Variants in MAGI1 observed in about 807,000 individuals in gnomAD.
MAGI1 encodes membrane-associated guanylate kinase, WW and PDZ domain-containing protein 1.
In MAGI1, 58 loss-of-function variants were observed where a neutral mutation model predicts 139.9. The ratio of observed to expected loss-of-function variants is 0.41; its 90% CI spans 0.34 to 0.52. The LOEUF (loss-of-function observed/expected upper bound fraction) is 0.52, where lower values mean the gene tolerates loss of function less well. MAGI1 is among the 20% of genes least tolerant of loss of function. The pLI, the probability that MAGI1 is intolerant of heterozygous loss-of-function variation, is 0.12. For missense variants in MAGI1, 1,874 were observed against 1,901.6 expected, an observed-to-expected ratio of 0.99 and a Z score of 0.27; for synonymous variants, 812 against 737.9, an observed-to-expected ratio of 1.10 and a Z score of -1.63.
rs541197600 is a variant in MAGI1, at chr3:65,867,841, A to G, written c.313+170155T>C. Among the ~76,000 whole-genome samples the G allele has an allele frequency of 1.3e-4, 20 of 152,236 alleles. No individual in the cohort carries two copies. The South Asian group carries it at 4.2e-3, about 32-fold the overall frequency. ...ACCCTAGCCCCCAAGAAGCCCTGCC[A>G]TTTACTGTGCTTTCTGAATTCCACT... On this transcript the variant is annotated intron_variant, in intron 1 of 22. Transcript: ENST00000402939.
intron 2 of MAGI1, among the ~76,000 whole-genome samples, chr3:65,595,853 C>A (rs1335995652): frequency 6.6e-6 from 1 of 151,876 alleles, no homozygotes; most frequent in African/African-American, 2.4e-5. Flanking sequence ...TTAGGAGTAT[C>A]CTCATCAAGA....
intron 1 of MAGI1, among the ~76,000 whole-genome samples, chr3:65,716,501 A>G (rs2032268594): frequency 2.0e-5 from 3 of 152,242 alleles, no homozygotes; most frequent in Non-Finnish European, 4.4e-5. Flanking sequence ...AAGGCAGACT[A>G]TCTTATTTCA....
In MAGI1 at chr3:65,695,638, T is replaced by C. The variant is rs183905356; in HGVS notation, c.314-73550A>G. 2.0e-5 allele frequency among the ~76,000 whole-genome samples: 3 copies of C among 152,318 alleles called. No homozygotes were observed. The East Asian group carries it at 5.8e-4, about 29-fold the overall frequency. On this transcript the variant is annotated intron_variant, in intron 1 of 22. Transcript: ENST00000402939. ...ATGCTCAGTAGGTATTGCTGGGGGA[T>C]GAATGAATCTACAGTAGACGCCTAG...
intron 1 of MAGI1, among the ~76,000 whole-genome samples, chr3:65,626,189 C>T (rs181057973): frequency 6.6e-6 from 1 of 152,152 alleles, no homozygotes; most frequent in Admixed American, 6.5e-5. Flanking sequence ...ATGCTTAAAT[C>T]AAAAGCAACA....
At chr3:65,408,515 A>G (rs1332061968) in intron 12 of MAGI1, among the ~76,000 whole-genome samples, 1 of 152,158 alleles carries the variant, frequency 6.6e-6, no homozygotes, top group Admixed American at 6.5e-5. Context: ...TGCAGGAAAG[A>G]CAAATTGAGA....
At chr3:65,844,031 C>G in intron 1 of MAGI1, 1 of 377,952 alleles carries the variant, frequency 2.6e-6, no homozygotes, top group East Asian at 7.4e-5. Flanking sequence ...CACCAAGTAT[C>G]TAAAAGATGT....
At position 65,439,859 on chromosome 3, in the gene MAGI1, C is replaced by T; in HGVS notation, c.1270+20G>A. ...CCATGCTCCCCTGATCAAGAAAAAG[C>T]CTAGAGGAAAGAGGCCAACCTTCTG... On this transcript the variant is annotated intron_variant, in intron 9 of 22. Transcript: ENST00000402939. 1.2e-6 allele frequency: 2 copies of T among 1,609,132 alleles called. No individual in the cohort carries two copies. The highest frequency in any genetic ancestry group is 3.3e-5 in the Admixed American group (2 of 59,966).
intron 14 of MAGI1, 88 bp downstream of exon 14, chr3:65,391,054 G>A (rs1028693937): frequency 1.7e-6 from 2 of 1,150,076 alleles, no homozygotes; most frequent in Non-Finnish European, 2.5e-6. Flanking sequence ...TTTACACACT[G>A]CAACTCATCT....
intron 1 of MAGI1, among the ~76,000 whole-genome samples, chr3:65,768,732 G>C (rs1034134718): frequency 2.0e-5 from 3 of 152,262 alleles, no homozygotes; most frequent in African/African-American, 2.4e-5. Flanking sequence ...GAACACACAG[G>C]AGTCCCAGTT....
chr3:65,537,684 C>A (rs1424423596), intron 2 of MAGI1, among the ~76,000 whole-genome samples: 1 of 152,046 alleles, frequency 6.6e-6, no homozygotes, highest in Admixed American at 6.5e-5. Context: ...AACTTTTCGC[C>A]TTCCACTGAA....
intron 1 of MAGI1, among the ~76,000 whole-genome samples, chr3:65,947,860 T>G (rs2063609976): frequency 6.6e-6 from 1 of 151,830 alleles, no homozygotes; most frequent in Non-Finnish European, 1.5e-5. Context: ...CAAGCAATCT[T>G]CCTGCCTCAG....
chr3:65,782,613 C>CAAAAAAAAAAAAAAAAAAAAA (rs56367932), intron 1 of MAGI1, among the ~76,000 whole-genome samples: 1 of 60,544 alleles, frequency 1.7e-5, no homozygotes, highest in Non-Finnish European at 3.0e-5. Flanking sequence ...ATTTCTTAAG[C>CAAAAAAAAAAAAAAAAAAAAA]AAAAAAAAAA....
intron 2 of MAGI1, among the ~76,000 whole-genome samples, chr3:65,598,375 G>C (rs2082328562): frequency 6.6e-6 from 1 of 152,162 alleles, no homozygotes; most frequent in Admixed American, 6.5e-5. Context: ...ATGAGTGGGT[G>C]GGTGAGGGCG....
At chr3:65,806,150 G>A (rs1027372407) in intron 1 of MAGI1, among the ~76,000 whole-genome samples, 1 of 151,858 alleles carries the variant, frequency 6.6e-6, no homozygotes, top group Non-Finnish European at 1.5e-5. Flanking sequence ...AATATAGCTG[G>A]CCAGGCACGG....
intron 2 of MAGI1, among the ~76,000 whole-genome samples, chr3:65,567,872 C>A (rs2080746930): frequency 6.6e-6 from 1 of 152,042 alleles, no homozygotes; most frequent in African/African-American, 2.4e-5. Flanking sequence ...GAAGCTCATG[C>A]AATCTTCATA....
intron 1 of MAGI1, among the ~76,000 whole-genome samples, chr3:66,010,819 T>A (rs2067285700): frequency 6.6e-6 from 1 of 152,238 alleles, no homozygotes; most frequent in African/African-American, 2.4e-5. Context: ...CAAAGCACCT[T>A]TGCCCTCAGG....
intron 1 of MAGI1, chr3:65,873,804 T>G (rs1305342887): frequency 1.3e-5 from 2 of 152,124 alleles, no homozygotes; most frequent in Non-Finnish European, 2.9e-5. Context: ...CCCTTTCCTA[T>G]GCAATACACA....
At chr3:66,023,445 G>C (rs535904973) in intron 1 of MAGI1, among the ~76,000 whole-genome samples, 12 of 152,242 alleles carry the variant, frequency 7.9e-5, no homozygotes, top group African/African-American at 2.6e-4. Context: ...CCTCATCCTA[G>C]TGCAGCAAAC....
In MAGI1 at chr3:66,038,020, C is replaced by T. The variant is rs2069040451; in HGVS notation, c.289G>A (p.Val97Ile). Reference protein sequence around the residue: ...LGVIDSCKEAVTFKAVRQGGR... With the variant: ...LGVIDSCKEAITFKAVRQGGR... ...CCTTGTCTGACGGCCTTGAAGGTGA[C>T]GGCCTCCTTGCAGCTGTCGATGACC... The change falls in exon 1 of 23, where the codon GTC becomes ATC. Residue 97 changes from valine to isoleucine, a missense_variant. Val to Ile is a conservative substitution (Grantham distance 29). Transcript: ENST00000402939. The T allele has an allele frequency of 2.5e-6, 4 of 1,596,194 alleles. No homozygotes were observed. In the South Asian group the frequency reaches 3.4e-5, roughly 14 times the overall value.
Sources: gnomAD v4.1 joint callset for allele counts (sites outside exome capture counted in the v4.1 genomes callset) on GRCh38, gnomAD v4.1.1 for gene constraint, MANE v1.5 for transcripts, NCBI Gene and HGNC (gene_info 2026-07-23, HGNC 2026-07-21) for gene names.